The following TRAPPC9 variants were observed in gnomAD, a reference collection of about 807,000 sequenced individuals.
The protein encoded by TRAPPC9 is IKK2 binding protein.
In TRAPPC9, 83 loss-of-function variants were observed where a neutral mutation model predicts 124.0. The observed-to-expected ratio is 0.67, with a 90% CI of 0.56 to 0.80. The LOEUF (loss-of-function observed/expected upper bound fraction) is 0.80. TRAPPC9 is among the 30% of genes least tolerant of loss of function. The pLI is 0.00. For missense variants in TRAPPC9, 1,302 were observed against 1,508.3 expected, an observed-to-expected ratio of 0.86 and a Z score of 2.27; for synonymous variants, 638 against 617.5, an observed-to-expected ratio of 1.03 and a Z score of -0.49.
chr8:140,081,346 C>CATTTTTTTTTTTTTTTTTTTTTTTT lies in TRAPPC9; in HGVS notation c.2557-57268_2557-57267insAAAAAAAAAAAAAAAAAAAAAAAAT, dbSNP rs35254769. 2.1e-5 allele frequency among the ~76,000 whole-genome samples: 3 copies of CATTTTTTTTTTTTTTTTTTTTTTTT among 141,050 alleles called. 1 individual carries two copies. The highest frequency in any genetic ancestry group is 3.0e-5 in the Non-Finnish European group (2 of 66,052). The allele number at this position is 141,050 out of a possible 152,430, so 92.5% of individuals were successfully genotyped here. On this transcript the variant is annotated intron_variant, in intron 17 of 22. Coordinates refer to ENST00000438773, the MANE Select transcript of TRAPPC9 (RefSeq NM_001160372.4). ...GTCAAGGTGAAGAATAAAATGAATG[C>CATTTTTTTTTTTTTTTTTTTTTTTT]TTTTTTTTTTTTTTTTTGAGACAGA...
intron 17 of TRAPPC9, among the ~76,000 whole-genome samples, chr8:140,149,298 C>G (rs189103098): frequency 6.6e-6 from 1 of 152,270 alleles, no homozygotes; most frequent in East Asian, 1.9e-4. Context: ...AATGCAGGAT[C>G]CTTGAGCTCT....
intron 19 of TRAPPC9, among the ~76,000 whole-genome samples, chr8:139,937,163 C>T (rs1332794665): frequency 6.6e-6 from 1 of 152,106 alleles, no homozygotes; most frequent in African/African-American, 2.4e-5. Flanking sequence ...TGCTTTAGCC[C>T]CCTGTGTCTA....
At chr8:139,953,826 T>C (rs1044947514) in intron 19 of TRAPPC9, among the ~76,000 whole-genome samples, 9 of 152,210 alleles carry the variant, frequency 5.9e-5, no homozygotes, top group Non-Finnish European at 1.5e-5. Flanking sequence ...AATATATCAC[T>C]ATATACAATG....
chr8:139,771,289 G>A (rs567835397), intron 21 of TRAPPC9, among the ~76,000 whole-genome samples: 143 of 152,182 alleles, frequency 9.4e-4, no homozygotes, highest in African/African-American at 3.1e-3. Context: ...CTCAGAGAAC[G>A]GTGCCGCCCA....
chr8:140,036,910 A>C (rs1445967714), intron 17 of TRAPPC9, among the ~76,000 whole-genome samples: 1 of 151,980 alleles, frequency 6.6e-6, no homozygotes, highest in African/African-American at 2.4e-5. Context: ...GTTTTGTTAC[A>C]TAGGTATACA....
chr8:140,233,884 G>A (rs1035125276), intron 16 of TRAPPC9, among the ~76,000 whole-genome samples: 4 of 151,710 alleles, frequency 2.6e-5, no homozygotes, highest in Non-Finnish European at 4.4e-5. Context: ...GTCGAACCCT[G>A]ATTATATACT....
chr8:140,105,248 T>G (rs2060643240), intron 17 of TRAPPC9, among the ~76,000 whole-genome samples: 1 of 152,244 alleles, frequency 6.6e-6, no homozygotes, highest in Non-Finnish European at 1.5e-5. Flanking sequence ...AAATAGTGGT[T>G]GACGCATAAT....
chr8:140,336,455 T>C (rs2067043099), intron 9 of TRAPPC9, among the ~76,000 whole-genome samples: 1 of 152,122 alleles, frequency 6.6e-6, no homozygotes. Flanking sequence ...ACTGGAAATA[T>C]GTAGAAAATG....
rs529234786 is a variant in TRAPPC9 at position 140,243,922 on chromosome 8, C to T, written c.2431+8855G>A. Among the ~76,000 whole-genome samples, 36 of 152,358 alleles carry T rather than the reference C, an allele frequency of 2.4e-4. No homozygotes were observed. In the South Asian group the frequency reaches 6.8e-3, roughly 29 times the overall value. On this transcript the variant is annotated intron_variant, in intron 16 of 22. Transcript: ENST00000438773. ...CAGCAGGAGGTGGGTGGCAGCCTAG[C>T]GAGCTTTGCAGCCTGAGCTCTGCCT...
chr8:140,008,771 G>A (rs909577457), intron 18 of TRAPPC9, among the ~76,000 whole-genome samples: 1 of 152,182 alleles, frequency 6.6e-6, no homozygotes, highest in Admixed American at 6.5e-5. Flanking sequence ...TTGGAAAGTT[G>A]ATCAGACTTT....
intron 1 of TRAPPC9, among the ~76,000 whole-genome samples, chr8:140,453,102 T>A (rs1046687890): frequency 2.6e-5 from 4 of 152,142 alleles, no homozygotes; most frequent in Non-Finnish European, 5.9e-5. Flanking sequence ...AAGTCTAATT[T>A]TTTTAAAGGT....
intron 9 of TRAPPC9, among the ~76,000 whole-genome samples, chr8:140,312,943 A>T (rs1290746759): frequency 1.3e-5 from 2 of 151,992 alleles, no homozygotes; most frequent in Non-Finnish European, 2.9e-5. Context: ...AATTTTGGGT[A>T]GAGATGAGGT....
Position 140,014,418 on chromosome 8 carries a change from C to A in TRAPPC9, c.2699+9519G>T, listed in dbSNP as rs78753682. On this transcript the variant is annotated intron_variant, in intron 18 of 22. Transcript: ENST00000438773. The stretch of plus-strand genomic sequence containing the variant: ...AAAGTCAACTGAGACCTATGTACTC[C>A]CTGGTGGGAGAACAGTAAAAATAAT... Among the ~76,000 whole-genome samples the A allele has an allele frequency of 4.9e-3, 750 of 152,158 alleles. 6 individuals carry two copies. Among genetic ancestry groups the A allele is most frequent in the African/African-American group, 0.017 (708 of 41,474 alleles).
intron 19 of TRAPPC9, among the ~76,000 whole-genome samples, chr8:139,919,532 T>C (rs770452581): frequency 2.6e-5 from 4 of 152,194 alleles, no homozygotes; most frequent in Non-Finnish European, 5.9e-5. Context: ...TTAAAAAATA[T>C]GGCTATTAAA....
chr8:139,947,907 T>TATATATATATATATAGAGAGAG, intron 19 of TRAPPC9, among the ~76,000 whole-genome samples: 27 of 60,350 alleles, frequency 4.5e-4, no homozygotes, highest in Admixed American at 2.2e-3. Flanking sequence ...TATATATATA[T>TATATATATATATATAGAGAGAG]AGAGAGAGAG....
intron 19 of TRAPPC9, among the ~76,000 whole-genome samples, chr8:139,924,384 G>A (rs2131351093): frequency 6.6e-6 from 1 of 152,290 alleles, no homozygotes; most frequent in South Asian, 2.1e-4. Flanking sequence ...GAGCTGAAGG[G>A]ACAGCAGAGG....
intron 21 of TRAPPC9, among the ~76,000 whole-genome samples, chr8:139,834,956 C>T (rs552465977): frequency 3.2e-4 from 49 of 152,302 alleles, no homozygotes; most frequent in Non-Finnish European, 5.7e-4. Context: ...ATTTCTATCC[C>T]ACCTGTTGAG....
chr8:139,832,876 C>A (rs994536181), intron 21 of TRAPPC9, among the ~76,000 whole-genome samples: 3 of 152,132 alleles, frequency 2.0e-5, no homozygotes, highest in African/African-American at 7.2e-5. Context: ...TCCATGATTA[C>A]GGCATTCTCT....
At chr8:139,842,946 G>C (rs1826839374) in intron 21 of TRAPPC9, among the ~76,000 whole-genome samples, 1 of 152,250 alleles carries the variant, frequency 6.6e-6, no homozygotes, top group African/African-American at 2.4e-5. Flanking sequence ...GCAGGTGAAG[G>C]AACAGTACGT....
Sources: allele counts gnomAD v4.1 joint callset (sites outside exome capture counted in the v4.1 genomes callset), GRCh38; gene constraint gnomAD v4.1.1; transcripts MANE v1.5; gene names NCBI Gene and HGNC (gene_info 2026-07-23, HGNC 2026-07-21).